The following CAPN5 variants were observed in gnomAD, a reference collection of about 807,000 sequenced individuals.
The protein encoded by CAPN5 is calpain 5.
Under a neutral mutation model 73.0 loss-of-function variants are expected in CAPN5, and 54 were observed. The observed-to-expected ratio is 0.74, with a 90% confidence interval of 0.59 to 0.93. The LOEUF is 0.93. Ranked by LOEUF, CAPN5 falls within the 40% of genes least tolerant of loss-of-function variation. CAPN5 has a pLI of 0.00. For synonymous variants in CAPN5, 335 were observed against 356.9 expected (o/e 0.94, Z 0.69); for missense variants, 785 against 882.9 (o/e 0.89, Z 1.41).
At chr11:77,073,374 T>A (rs1335631302) in intron 1 of CAPN5, among the ~76,000 whole-genome samples, 1 of 152,118 alleles carries the variant, frequency 6.6e-6, no homozygotes, top group Non-Finnish European at 1.5e-5. Context: ...CTTGGCCGCT[T>A]GCTTACAGAT....
chr11:77,118,167 G>A lies in CAPN5; in HGVS notation c.982G>A (p.Glu328Lys), dbSNP rs1052408892. 9.9e-6 allele frequency: 16 copies of A among 1,611,764 alleles called. No homozygotes were observed. Among genetic ancestry groups the A allele is most frequent in the East Asian group, 6.7e-5 (3 of 44,790 alleles). Residue 328 changes from glutamate (E) to lysine (K), a missense_variant, in exon 8 of 13, where the codon GAG becomes AAG. Glu to Lys is a moderately conservative substitution (Grantham distance 56). Transcript: ENST00000648180. ...CCTCCCCACATCCAGGATGACCTTC[G>A]AGGACGTGTGCCGGTACTTCACGGA... The part of the protein sequence containing the change: ...QDDGEFWMTF[E>K]DVCRYFTDII...
At chr11:77,096,118 C>G (rs1211118081) in intron 3 of CAPN5, among the ~76,000 whole-genome samples, 2 of 152,156 alleles carry the variant, frequency 1.3e-5, no homozygotes, top group Non-Finnish European at 2.9e-5. Flanking sequence ...CCTGCAGGGC[C>G]TCCTTGTTTT....
chr11:77,115,211 C>T (rs1337992717), intron 5 of CAPN5, among the ~76,000 whole-genome samples, 184 bp from the exon 6 acceptor site: 1 of 152,264 alleles, frequency 6.6e-6, no homozygotes, highest in East Asian at 1.9e-4. Context: ...CTATGGGCAC[C>T]TTCCTTTACT....
intron 1 of CAPN5, among the ~76,000 whole-genome samples, chr11:77,081,454 C>G (rs10160739): frequency 0.016 from 2,508 of 152,320 alleles, 57 homozygotes; most frequent in African/African-American, 0.057. Flanking sequence ...GGTAGCCCCC[C>G]CATACCTGGC....
Position 77,122,716 on chromosome 11 carries a change from AG to A in CAPN5, c.1740+5del, listed in dbSNP as rs113915013. 1 of 1,613,060 alleles carries A rather than the reference AG, an allele frequency of 6.2e-7. No homozygotes were observed. The highest frequency in any genetic ancestry group is 2.2e-5 in the East Asian group (1 of 44,864). On this transcript the variant is annotated splice_donor_5th_base_variant and intron_variant, in intron 12 of 12. Coordinates refer to ENST00000648180, the MANE Select transcript of CAPN5 (RefSeq NM_004055.5). ...GAGCCAGCCCATCACTGTACAGGTGAGCCCCCTGGTCCAGAGGCCACCTCCT... is the reference window on the plus strand; with the variant it reads ...GAGCCAGCCCATCACTGTACAGGTGACCCCCTGGTCCAGAGGCCACCTCCT...
chr11:77,103,460 C>G, intron 3 of CAPN5: 1 of 1,111,374 alleles, frequency 9.0e-7, no homozygotes, highest in Admixed American at 2.3e-5. Context: ...CCAGAGGCCC[C>G]CTGAGTCCCA....
chr11:77,119,308 C>T, intron 9 of CAPN5, 156 bp downstream of exon 9: 1 of 810,486 alleles, frequency 1.2e-6, no homozygotes, highest in Non-Finnish European at 1.9e-6. Context: ...GGCATGGGCC[C>T]CACTTGAATA....
At chr11:77,087,075 AG>A (rs756098405) in intron 2 of CAPN5, among the ~76,000 whole-genome samples, 1 of 152,214 alleles carries the variant, frequency 6.6e-6, no homozygotes, top group Non-Finnish European at 1.5e-5. Flanking sequence ...GCTGGTGTTC[AG>A]AGAGCTGTGT....
At chr11:77,076,670 A>G (rs1949972167) in intron 1 of CAPN5, among the ~76,000 whole-genome samples, 1 of 152,164 alleles carries the variant, frequency 6.6e-6, no homozygotes, top group Non-Finnish European at 1.5e-5. Context: ...TTCCTCGTTT[A>G]TCCATGTTGT....
intron 3 of CAPN5, among the ~76,000 whole-genome samples, chr11:77,097,244 C>T (rs1351353370): frequency 1.3e-5 from 2 of 152,022 alleles, no homozygotes; most frequent in Non-Finnish European, 2.9e-5. Flanking sequence ...TAAAAAGTGC[C>T]TCCCACTATG....
chr11:77,069,173 C>T (rs1218608280), intron 1 of CAPN5, among the ~76,000 whole-genome samples: 1 of 152,206 alleles, frequency 6.6e-6, no homozygotes, highest in East Asian at 1.9e-4. Context: ...AGGCGGAGAA[C>T]TTCCCTTTTC....
chr11:77,095,994 T>C (rs1413847561), intron 3 of CAPN5, among the ~76,000 whole-genome samples: 2 of 152,182 alleles, frequency 1.3e-5, no homozygotes, highest in African/African-American at 4.8e-5. Context: ...TGTGGTGCTA[T>C]GGGTCCCGGA....
chr11:77,121,877 C>A, intron 10 of CAPN5, 57 bp from the exon 11 acceptor site: 1 of 920,300 alleles, frequency 1.1e-6, no homozygotes, highest in Non-Finnish European at 1.6e-6. Context: ...CCCCTCTTCA[C>A]CCCTGTCTTC....
chr11:77,079,889 C>G (rs1555034394), intron 1 of CAPN5, among the ~76,000 whole-genome samples: 3 of 151,502 alleles, frequency 2.0e-5, no homozygotes, highest in African/African-American at 7.3e-5. Flanking sequence ...TTTGCATTTC[C>G]TTAATGGTTA....
At chr11:77,091,496 A>T (rs1950148667) in intron 2 of CAPN5, among the ~76,000 whole-genome samples, 1 of 152,162 alleles carries the variant, frequency 6.6e-6, no homozygotes, top group South Asian at 2.1e-4. Flanking sequence ...TATCTGTAAA[A>T]GGGGATATTG....
chr11:77,097,290 T>G (rs1950219901), intron 3 of CAPN5, among the ~76,000 whole-genome samples: 1 of 152,046 alleles, frequency 6.6e-6, no homozygotes, highest in Non-Finnish European at 1.5e-5. Flanking sequence ...TCCTGCTCTT[T>G]AGTTATCAAG....
chr11:77,087,322 C>T (rs912465251), intron 2 of CAPN5, among the ~76,000 whole-genome samples: 3 of 152,236 alleles, frequency 2.0e-5, no homozygotes, highest in African/African-American at 4.8e-5. Context: ...TTATCATTAA[C>T]GCCCAGCTGC....
At chr11:77,113,605 G>C (rs182899283) in intron 4 of CAPN5, among the ~76,000 whole-genome samples, 2 of 152,268 alleles carry the variant, frequency 1.3e-5, no homozygotes, top group Non-Finnish European at 2.9e-5. Flanking sequence ...GAAAGGGGGA[G>C]AGAGGAAAAG....
chr11:77,090,024 C>T (rs898738971), intron 2 of CAPN5, among the ~76,000 whole-genome samples: 9 of 152,178 alleles, frequency 5.9e-5, no homozygotes, highest in African/African-American at 2.2e-4. Context: ...TTTCCTCATC[C>T]GTAAAAAGGG....
Sources: allele counts gnomAD v4.1 joint callset (sites outside exome capture counted in the v4.1 genomes callset), GRCh38; gene constraint gnomAD v4.1.1; transcripts MANE v1.5; gene names NCBI Gene and HGNC (gene_info 2026-07-23, HGNC 2026-07-21).